Variants in SPATA45 observed in about 807,000 individuals in gnomAD.
SPATA45 encodes the protein spermatogenesis-associated protein 45.
SPATA45 carries 5 observed loss-of-function variants against 7.0 expected under a neutral mutation model. The observed-to-expected ratio is 0.71, with a 90% CI of 0.37 to 1.50. The LOEUF is 1.50. Among genes scored for constraint, SPATA45 ranks in the 40% most tolerant of loss-of-function variants. The pLI is 0.03. For missense variants in SPATA45, 111 were observed against 114.9 expected, an observed-to-expected ratio of 0.97 and a Z score of 0.16; for synonymous variants, 40 against 38.7, an observed-to-expected ratio of 1.03 and a Z score of -0.13.
At chr1:212,835,020 T>C (rs1223859499) in intron 2 of SPATA45, among the ~76,000 whole-genome samples, 2 of 151,624 alleles carry the variant, frequency 1.3e-5, no homozygotes, top group East Asian at 3.9e-4. Context: ...GGCCTGAAGC[T>C]GAGGCCTGGG....
chr1:212,843,501 T>G (rs928887237), intron 1 of SPATA45, among the ~76,000 whole-genome samples: 1 of 152,214 alleles, frequency 6.6e-6, no homozygotes, highest in Non-Finnish European at 1.5e-5. Context: ...TCTCCCCAGT[T>G]TCTAATCTTG....
chr1:212,831,964 T>A (rs1223424758), intron 2 of SPATA45, among the ~76,000 whole-genome samples: 1 of 150,742 alleles, frequency 6.6e-6, no homozygotes, highest in Non-Finnish European at 1.5e-5. Context: ...CTGTTTTCTG[T>A]TTCCCCATAG....
At chr1:212,838,291 A>G (rs1663621966) in intron 1 of SPATA45, among the ~76,000 whole-genome samples, 1 of 126,334 alleles carries the variant, frequency 7.9e-6, no homozygotes, top group Non-Finnish European at 1.7e-5. Flanking sequence ...GCGGCAGAGC[A>G]GGACTTTGTC....
intron 1 of SPATA45, among the ~76,000 whole-genome samples, chr1:212,839,096 T>C (rs2102511442): frequency 6.8e-6 from 1 of 147,308 alleles, no homozygotes; most frequent in Middle Eastern, 3.6e-3. Context: ...ATGTGCACAA[T>C]TGACACTGAG....
At chr1:212,838,770 T>A (rs916766029) in intron 1 of SPATA45, among the ~76,000 whole-genome samples, 1 of 151,604 alleles carries the variant, frequency 6.6e-6, no homozygotes, top group African/African-American at 2.4e-5. Flanking sequence ...GGCGTGACCA[T>A]GGCTCACGGC....
chr1:212,839,255 G>A lies in SPATA45; in HGVS notation c.-38-3068C>T, dbSNP rs1390283135. On this transcript the variant is annotated intron_variant, in intron 1 of 2. Transcript: ENST00000332912. ...CTGAAGCTCAAAATAACTATGCTGA[G>A]TAAAAAGAAAAAAAAAAAGCCAGAC... 2.2e-4 allele frequency among the ~76,000 whole-genome samples: 33 copies of A among 147,958 alleles called. 2 individuals are homozygous for A. Among genetic ancestry groups the A allele is most frequent in the Admixed American group, 2.1e-3 (31 of 14,672 alleles).
In SPATA45 at chr1:212,836,939, G is replaced by A. The variant is rs564574659; in HGVS notation, c.-38-752C>T. 2.0e-5 allele frequency among the ~76,000 whole-genome samples: 3 copies of A among 151,092 alleles called. 1 individual carries two copies. The highest frequency in any genetic ancestry group is 7.3e-5 in the African/African-American group (3 of 41,316). Reference sequence around the variant, plus strand: ...CCCAAAGTGCTGGGATTACAGGCATGAGCCACCGTACCCGGCCACACCTCA... The same window carrying A: ...CCCAAAGTGCTGGGATTACAGGCATAAGCCACCGTACCCGGCCACACCTCA... On this transcript the variant is annotated intron_variant, in intron 1 of 2. Transcript: ENST00000332912.
chr1:212,842,417 T>C (rs757914698), intron 1 of SPATA45, among the ~76,000 whole-genome samples: 15 of 152,140 alleles, frequency 9.9e-5, no homozygotes, highest in Admixed American at 6.6e-5. Flanking sequence ...GCCCATTTTA[T>C]AGGTGAACTG....
At chr1:212,833,535 G>C (rs1048354275) in intron 2 of SPATA45, among the ~76,000 whole-genome samples, 2 of 150,540 alleles carry the variant, frequency 1.3e-5, no homozygotes, top group Non-Finnish European at 3.0e-5. Flanking sequence ...TTAGCCAGGC[G>C]TGGTGGCAGG....
chr1:212,840,936 T>TTC (rs1032775272), intron 1 of SPATA45, among the ~76,000 whole-genome samples: 3 of 151,704 alleles, frequency 2.0e-5, no homozygotes, highest in Admixed American at 2.0e-4. Flanking sequence ...ACCTTTTAAA[T>TTC]TCTCTCTCTC....
chr1:212,844,467 C>T (rs1379395312), intron 1 of SPATA45, among the ~76,000 whole-genome samples: 4 of 152,162 alleles, frequency 2.6e-5, no homozygotes, highest in Non-Finnish European at 5.9e-5. Flanking sequence ...CTCTGATCCA[C>T]CTGACATTCA....
At chr1:212,844,411 T>C (rs987492806) in intron 1 of SPATA45, among the ~76,000 whole-genome samples, 1 of 152,144 alleles carries the variant, frequency 6.6e-6, no homozygotes, top group African/African-American at 2.4e-5. Flanking sequence ...CAATCTGGCC[T>C]CCCACATTAT....
chr1:212,834,724 T>C (rs1202637585), intron 2 of SPATA45, among the ~76,000 whole-genome samples: 1 of 151,726 alleles, frequency 6.6e-6, no homozygotes, highest in Non-Finnish European at 1.5e-5. Context: ...GTGCTGGGAC[T>C]GGAGGTGTGA....
rs531758060 is a variant in SPATA45, at chr1:212,830,989, A to T, written c.278-728T>A. On this transcript the variant is annotated intron_variant, in intron 2 of 2. Transcript: ENST00000332912. ...AGAGCAAGAAAAAATCTCAAAAAAA[A>T]TTAGCTGGGTGTGGTGGTGCACACC... 2.2e-3 allele frequency among the ~76,000 whole-genome samples: 332 copies of T among 151,224 alleles called. 3 individuals carry two copies. The highest frequency in any genetic ancestry group is 7.5e-3 in the African/African-American group (312 of 41,374).
At chr1:212,842,922 AC>A (rs1303301804) in intron 1 of SPATA45, among the ~76,000 whole-genome samples, 1 of 135,546 alleles carries the variant, frequency 7.4e-6, no homozygotes, top group African/African-American at 2.6e-5. Flanking sequence ...CCCTGTCTCT[AC>A]TAAAAATACA....
At chr1:212,830,316 G>A in intron 2 of SPATA45, 55 bp from the exon 3 acceptor site, 1 of 1,116,618 alleles carries the variant, frequency 9.0e-7, no homozygotes, top group Non-Finnish European at 1.3e-6. Context: ...CACATTTCAT[G>A]GTTTTTAAAA....
At chr1:212,831,350 A>G (rs1017727801) in intron 2 of SPATA45, among the ~76,000 whole-genome samples, 2 of 150,800 alleles carry the variant, frequency 1.3e-5, no homozygotes, top group African/African-American at 4.9e-5. Context: ...ACATGCCTAT[A>G]GTCCCAGCTA....
intron 1 of SPATA45, among the ~76,000 whole-genome samples, chr1:212,844,121 C>T (rs969223569): frequency 7.2e-5 from 11 of 152,136 alleles, no homozygotes; most frequent in Non-Finnish European, 7.3e-5. Flanking sequence ...ACACAAGAGC[C>T]GGGACTGCAC....
chr1:212,846,080 G>A (rs184745517), intron 1 of SPATA45, among the ~76,000 whole-genome samples: 17 of 152,016 alleles, frequency 1.1e-4, no homozygotes, highest in African/African-American at 3.4e-4. Context: ...TCTCTTATTC[G>A]GACCTTGTGT....
Sources: gnomAD v4.1 joint callset for allele counts (sites outside exome capture counted in the v4.1 genomes callset) on GRCh38, gnomAD v4.1.1 for gene constraint, MANE v1.5 for transcripts, NCBI Gene and HGNC (gene_info 2026-07-23, HGNC 2026-07-21) for gene names.